The following MMP8 variants were observed in gnomAD, a reference collection of about 807,000 sequenced individuals.
MMP8 encodes the protein matrix metallopeptidase 8.
A neutral mutation model predicts 51.2 loss-of-function variants in MMP8; 67 were observed. The observed-to-expected ratio is 1.31, with a 90% confidence interval of 1.08 to 1.60. The LOEUF is 1.60. Ranked by LOEUF, MMP8 falls within the 40% of genes most tolerant of loss-of-function variation. MMP8 has a pLI of 0.00. For missense variants in MMP8, 654 were observed against 558.1 expected (o/e 1.17, Z -1.73); for synonymous variants, 225 against 191.0 (o/e 1.18, Z -1.47).
At chr11:102,722,351 C>A in intron 2 of MMP8, 78 bp downstream of exon 2, 1 of 1,467,438 alleles carries the variant, frequency 6.8e-7, no homozygotes, top group South Asian at 1.3e-5. Context: ...CTAGTGTATC[C>A]CAAGAACAGT....
rs2134296553 is a variant in MMP8 at position 102,715,433 on chromosome 11, A to G, written c.907T>C (p.Phe303Leu). Residue 303 changes from phenylalanine to leucine, a missense_variant, in exon 7 of 10, where the codon TTC becomes CTC. Transcript: ENST00000236826. ...GEILFFKDRY[F>L]WRRHPQLQRV... ...TGTAGCTGAGGATGCCTTCTCCAGA[A>G]GTACCTAACGGAACATAAGGAAACA... 1 of 1,612,066 alleles carries G rather than the reference A, an allele frequency of 6.2e-7. No homozygotes were observed. Among genetic ancestry groups the G allele is most frequent in the Non-Finnish European group, 8.5e-7 (1 of 1,179,120 alleles).
chr11:102,716,217 G>T, intron 6 of MMP8, 85 bp downstream of exon 6: 1 of 959,086 alleles, frequency 1.0e-6, no homozygotes, highest in Non-Finnish European at 1.6e-6. Context: ...CAAGGAAAAG[G>T]TGACTAACGT....
At chr11:102,715,254 C>T (rs1406276434) in intron 7 of MMP8, 50 bp downstream of exon 7, 2 of 1,568,240 alleles carry the variant, frequency 1.3e-6, no homozygotes, top group Non-Finnish European at 1.7e-6. Flanking sequence ...GAAGTCCTGC[C>T]CCCTCCCTTC....
chr11:102,721,878 G>A (rs1861484559), intron 2 of MMP8, 116 bp from the exon 3 acceptor site: 4 of 1,205,950 alleles, frequency 3.3e-6, no homozygotes, highest in Non-Finnish European at 4.6e-6. Context: ...CACTGGAGAG[G>A]ATAAGGAGGG....
chr11:102,717,893 G>T (rs1861345394), intron 5 of MMP8, among the ~76,000 whole-genome samples: 1 of 152,200 alleles, frequency 6.6e-6, no homozygotes, highest in African/African-American at 2.4e-5. Context: ...GATCACTCGA[G>T]GTCAGGAGTT....
chr11:102,722,997 T>G, intron 1 of MMP8: 1 of 1,304,298 alleles, frequency 7.7e-7, no homozygotes, highest in Non-Finnish European at 1.0e-6. Flanking sequence ...TAACATTAAT[T>G]GACTTCTCTT....
intron 8 of MMP8, among the ~76,000 whole-genome samples, chr11:102,714,166 T>C (rs1045425832): frequency 1.3e-5 from 2 of 152,208 alleles, no homozygotes; most frequent in South Asian, 2.1e-4. Flanking sequence ...TGTGTGTATA[T>C]AGATATATAA....
chr11:102,716,185 T>A (rs1207028063), intron 6 of MMP8, 117 bp downstream of exon 6: 17 of 718,374 alleles, frequency 2.4e-5, no homozygotes, highest in Admixed American at 1.3e-4. Context: ...AAAATTCCGA[T>A]GAGAAGCACA....
At chr11:102,716,966 G>T (rs1306578148) in intron 5 of MMP8, among the ~76,000 whole-genome samples, 1 of 152,144 alleles carries the variant, frequency 6.6e-6, no homozygotes, top group Non-Finnish European at 1.5e-5. Context: ...TTGTTGGGGT[G>T]GGCAGGAGGA....
In MMP8 at chr11:102,713,189, C is replaced by T. The variant is rs1861175179; in HGVS notation, c.*159G>A. ...AAGCCTCTGCAAATAGTGGAATATTCCAAACATATTTTCACGGAGGACAGG... is the reference window on the plus strand; with the variant it reads ...AAGCCTCTGCAAATAGTGGAATATTTCAAACATATTTTCACGGAGGACAGG... On this transcript the variant is annotated 3_prime_UTR_variant, in exon 10 of 10. Coordinates refer to ENST00000236826, the MANE Select transcript of MMP8 (RefSeq NM_002424.3). 8.5e-6 allele frequency: 5 copies of T among 584,992 alleles called. No homozygotes were observed. The highest frequency in any genetic ancestry group is 1.5e-5 in the Non-Finnish European group (5 of 328,364). 36.2% of individuals were successfully genotyped at this position (584,992 alleles called of 1,614,324 possible). A position where few individuals can be genotyped will look rare whatever the true frequency, so the allele number is the denominator to read the frequency against.
At chr11:102,713,528 C>G (rs1041164961) in intron 9 of MMP8, 71 bp from the exon 10 acceptor site, 10 of 1,307,278 alleles carry the variant, frequency 7.6e-6, no homozygotes, top group African/African-American at 4.5e-5. Context: ...TTAGAAAACC[C>G]TGCCCCTGTT....
intron 6 of MMP8, 73 bp downstream of exon 6, chr11:102,716,229 T>C: frequency 9.3e-7 from 1 of 1,080,734 alleles, no homozygotes; most frequent in Admixed American, 2.2e-5. Flanking sequence ...GACTAACGTG[T>C]GACTTAATTT....
At position 102,715,585 on chromosome 11, in the gene MMP8, C is replaced by T. The variant is rs1019137585; in HGVS notation, c.903-148G>A. 3.2e-5 allele frequency: 34 copies of T among 1,065,400 alleles called. No homozygotes were observed. The African/African-American group carries it at 4.2e-4, about 13-fold the overall frequency. 66.0% of individuals were successfully genotyped at this position (1,065,400 alleles called of 1,614,324 possible). The stretch of plus-strand genomic sequence containing the variant: ...GAATGCAAAGTTCCTAGCACAGTGA[C>T]CAGCATATGGCGAAGCTTTATAGTG... On this transcript the variant is annotated intron_variant, in intron 6 of 9. Transcript: ENST00000236826.
In MMP8 at chr11:102,712,886, G is replaced by C. The variant is rs1861165638; in HGVS notation, c.*462C>G. The C allele has an allele frequency of 6.6e-6, 1 of 152,608 alleles. No homozygotes were observed. Among genetic ancestry groups the C allele is most frequent in the Non-Finnish European group, 1.5e-5 (1 of 68,398 alleles). The allele number at this position is 152,608 out of a possible 1,614,324, so 9.5% of individuals were successfully genotyped here. ...CATTTCTTTCCAAGGGTAGAAAACA[G>C]CACCATATTTTCTGTAAAGGCCAAG... is the stretch of plus-strand genomic sequence containing the variant. On this transcript the variant is annotated 3_prime_UTR_variant, in exon 10 of 10. Transcript: ENST00000236826.
intron 4 of MMP8, among the ~76,000 whole-genome samples, chr11:102,719,117 T>C (rs969991784): frequency 2.0e-5 from 3 of 152,224 alleles, no homozygotes; most frequent in Non-Finnish European, 4.4e-5. Flanking sequence ...CTAGGAATTC[T>C]CTACTGGAGA....
chr11:102,724,330 T>G (rs1861557278), intron 1 of MMP8, among the ~76,000 whole-genome samples: 1 of 152,162 alleles, frequency 6.6e-6, no homozygotes, highest in Non-Finnish European at 1.5e-5. Flanking sequence ...TAATCTACCA[T>G]CCTCACATTA....
rs1382697391 is a variant in MMP8, at chr11:102,712,328, T to C, written c.*1020A>G. 6.6e-6 allele frequency: 1 copy of C among 152,362 alleles called. No individual in the cohort carries two copies. Among genetic ancestry groups the C allele is most frequent in the African/African-American group, 2.4e-5 (1 of 41,452 alleles). The allele number at this position is 152,362 out of a possible 1,614,324, so 9.4% of individuals were successfully genotyped here. On this transcript the variant is annotated 3_prime_UTR_variant, in exon 10 of 10. Coordinates refer to ENST00000236826, the MANE Select transcript of MMP8 (RefSeq NM_002424.3). ...GCTGTCCTGGGAAGATGCCCAGTAG[T>C]CCTTAGCAAGGGTTCTACTTCTGCA...
At chr11:102,720,100 C>T (rs1357035893) in intron 4 of MMP8, among the ~76,000 whole-genome samples, 2 of 151,974 alleles carry the variant, frequency 1.3e-5, no homozygotes, top group Non-Finnish European at 2.9e-5. Context: ...GGTGTTAGCC[C>T]GATGTGAATG....
chr11:102,721,095 G>T (rs1365802649), intron 4 of MMP8, among the ~76,000 whole-genome samples: 1 of 152,176 alleles, frequency 6.6e-6, no homozygotes, highest in Non-Finnish European at 1.5e-5. Flanking sequence ...AATAAATGTG[G>T]CCCTGTTTCA....
Sources: allele counts gnomAD v4.1 joint callset (sites outside exome capture counted in the v4.1 genomes callset), GRCh38; gene constraint gnomAD v4.1.1; transcripts MANE v1.5; gene names NCBI Gene and HGNC (gene_info 2026-07-23, HGNC 2026-07-21).